The following NCKAP5 variants were observed in gnomAD, a reference collection of about 807,000 sequenced individuals.
The protein encoded by NCKAP5 is nck-associated protein 5.
In NCKAP5, 92 loss-of-function variants were observed where a neutral mutation model predicts 167.0. The observed-to-expected ratio is 0.55, with a 90% CI of 0.47 to 0.66. The LOEUF is 0.66. Among genes scored for constraint, NCKAP5 ranks in the 30% least tolerant of loss-of-function variants. The probability of loss-of-function intolerance (pLI) is 0.00; values close to 1 mark genes in which losing one functional copy is unlikely to be tolerated. For synonymous variants in NCKAP5, 891 were observed against 877.4 expected (o/e 1.02, Z -0.27); for missense variants, 2,378 against 2,315.0 (o/e 1.03, Z -0.56).
intron 6 of NCKAP5, among the ~76,000 whole-genome samples, chr2:133,038,843 T>C (rs1455447709): frequency 6.6e-6 from 1 of 152,144 alleles, no homozygotes; most frequent in Non-Finnish European, 1.5e-5. Flanking sequence ...ATGTAGGTAA[T>C]AGTCACAGGT....
intron 3 of NCKAP5, among the ~76,000 whole-genome samples, chr2:133,358,410 C>A (rs1349316829): frequency 6.6e-6 from 1 of 152,128 alleles, no homozygotes; most frequent in African/African-American, 2.4e-5. Flanking sequence ...GAGACCACAT[C>A]TCTAACAACA....
intron 7 of NCKAP5, among the ~76,000 whole-genome samples, chr2:132,992,498 T>C (rs989539208): frequency 6.6e-6 from 1 of 152,194 alleles, no homozygotes; most frequent in African/African-American, 2.4e-5. Context: ...TTATTTAGTT[T>C]TAATGAAGCC....
At chr2:133,604,900 C>T in the NCKAP5 span, among the ~76,000 whole-genome samples, 2 of 152,070 alleles carry the variant, frequency 1.3e-5, no homozygotes, top group Non-Finnish European at 2.9e-5. Flanking sequence ...TCTAAGAAGC[C>T]CCCCTACTCA....
At chr2:133,203,868 A>G (rs1403528495) in intron 5 of NCKAP5, among the ~76,000 whole-genome samples, 1 of 152,222 alleles carries the variant, frequency 6.6e-6, no homozygotes, top group Non-Finnish European at 1.5e-5. Flanking sequence ...CAGCTATATA[A>G]ATCCACAGCA....
the NCKAP5 span, among the ~76,000 whole-genome samples, chr2:133,602,103 AGG>A: frequency 6.6e-6 from 1 of 152,236 alleles, no homozygotes; most frequent in Non-Finnish European, 1.5e-5. Context: ...AGAATGACCT[AGG>A]CAACAAGAAA....
chr2:133,220,379 C>T (rs116529629), intron 4 of NCKAP5, among the ~76,000 whole-genome samples: 236 of 152,280 alleles, frequency 1.5e-3, no homozygotes, highest in African/African-American at 5.5e-3. Flanking sequence ...ACTTACTTCT[C>T]TTACAGTTAA....
chr2:133,462,324 T>C (rs1692251526), intron 3 of NCKAP5, among the ~76,000 whole-genome samples: 1 of 152,204 alleles, frequency 6.6e-6, no homozygotes, highest in African/African-American at 2.4e-5. Context: ...GATGGGCAGA[T>C]GTCTTGGTGC....
chr2:133,127,049 G>T (rs2082426063), intron 6 of NCKAP5, among the ~76,000 whole-genome samples: 2 of 151,768 alleles, frequency 1.3e-5, no homozygotes, highest in Non-Finnish European at 2.9e-5. Flanking sequence ...GAACTCATTG[G>T]CCCAAGAGAA....
At chr2:133,373,352 C>T (rs1685929790) in intron 3 of NCKAP5, among the ~76,000 whole-genome samples, 1 of 152,038 alleles carries the variant, frequency 6.6e-6, no homozygotes, top group African/African-American at 2.4e-5. Flanking sequence ...AGCCACCACG[C>T]CTGGCCAATA....
chr2:133,627,647 T>A, the NCKAP5 span, among the ~76,000 whole-genome samples: 7 of 152,014 alleles, frequency 4.6e-5, no homozygotes, highest in Admixed American at 3.3e-4. Context: ...GTGACGTGCA[T>A]CTGTAGTGTG....
At chr2:132,892,944 CTG>C (rs1216426155) in intron 8 of NCKAP5, among the ~76,000 whole-genome samples, 1 of 143,170 alleles carries the variant, frequency 7.0e-6, no homozygotes, top group Non-Finnish European at 1.5e-5. Context: ...AGGAAAAAGA[CTG>C]AGAATTTCTC....
At chr2:133,324,782 C>T (rs1682316358) in intron 3 of NCKAP5, among the ~76,000 whole-genome samples, 2 of 151,956 alleles carry the variant, frequency 1.3e-5, no homozygotes, top group African/African-American at 2.4e-5. Context: ...TGCAGTGGCA[C>T]GATCTCGGCT....
At chr2:133,579,717 A>G in the NCKAP5 span, among the ~76,000 whole-genome samples, 1 of 152,196 alleles carries the variant, frequency 6.6e-6, no homozygotes, top group Non-Finnish European at 1.5e-5. Flanking sequence ...ACCCATGGCA[A>G]TAAACACTGC....
intron 3 of NCKAP5, among the ~76,000 whole-genome samples, chr2:133,355,093 T>C (rs1684619399): frequency 6.6e-6 from 1 of 152,242 alleles, no homozygotes; most frequent in South Asian, 2.1e-4. Context: ...GATAAGAGAA[T>C]ACAGATATTT....
At chr2:133,014,316 C>A (rs957641448) in intron 6 of NCKAP5, among the ~76,000 whole-genome samples, 1 of 152,170 alleles carries the variant, frequency 6.6e-6, no homozygotes, top group Non-Finnish European at 1.5e-5. Flanking sequence ...TTCCTGCCTC[C>A]AGATCTACTT....
chr2:132,994,283 A>C (rs896454785), intron 6 of NCKAP5, 44 bp from the exon 7 acceptor site: 3 of 1,366,580 alleles, frequency 2.2e-6, no homozygotes, highest in Non-Finnish European at 3.0e-6. Context: ...AAGGTTTCTA[A>C]TTAACACGGA....
intron 6 of NCKAP5, among the ~76,000 whole-genome samples, chr2:133,071,254 TCA>T (rs1292955549): frequency 6.6e-6 from 1 of 152,112 alleles, no homozygotes; most frequent in Admixed American, 6.5e-5. Flanking sequence ...TACAAAAGAA[TCA>T]CAGTCAGTGA....
intron 8 of NCKAP5, among the ~76,000 whole-genome samples, chr2:132,886,326 T>C (rs2148846288): frequency 6.6e-6 from 1 of 152,336 alleles, no homozygotes; most frequent in African/African-American, 2.4e-5. Flanking sequence ...CACTTGAGAG[T>C]AAGATGAAGA....
intron 1 of NCKAP5, among the ~76,000 whole-genome samples, chr2:133,560,915 G>A (rs1035503172): frequency 6.6e-6 from 1 of 152,146 alleles, no homozygotes; most frequent in Non-Finnish European, 1.5e-5. Flanking sequence ...GTCAATACTG[G>A]GTTCCCCAAA....
Sources: gnomAD v4.1 joint callset for allele counts (sites outside exome capture counted in the v4.1 genomes callset) on GRCh38, gnomAD v4.1.1 for gene constraint, MANE v1.5 for transcripts, NCBI Gene and HGNC (gene_info 2026-07-23, HGNC 2026-07-21) for gene names.